The following SUGCT variants were observed in gnomAD, a reference collection of about 807,000 sequenced individuals.
SUGCT encodes the protein succinyl-CoA:glutarate-CoA transferase.
SUGCT carries 41 observed loss-of-function variants against 55.0 expected under a neutral mutation model. The ratio of observed to expected loss-of-function variants is 0.74; its 90% CI spans 0.58 to 0.97. The LOEUF (loss-of-function observed/expected upper bound fraction) is 0.97. SUGCT is among the 50% of genes least tolerant of loss of function. The probability of loss-of-function intolerance (pLI) is 0.00; values close to 1 mark genes in which losing one functional copy is unlikely to be tolerated. For synonymous variants in SUGCT, 187 were observed against 200.4 expected (o/e 0.93, Z 0.56); for missense variants, 568 against 547.8 (o/e 1.04, Z -0.37).
intron 9 of SUGCT, among the ~76,000 whole-genome samples, chr7:40,371,438 TACTA>T (rs1403253294): frequency 1.3e-5 from 2 of 152,134 alleles, no homozygotes; most frequent in Non-Finnish European, 2.9e-5. Flanking sequence ...GAAAATTGGC[TACTA>T]ACTATCAGGA....
chr7:40,929,706 G>A, the SUGCT span, among the ~76,000 whole-genome samples: 1 of 152,156 alleles, frequency 6.6e-6, no homozygotes, highest in Non-Finnish European at 1.5e-5. Flanking sequence ...TCTCTTGGCT[G>A]CATAAATGTC....
At chr7:40,477,175 A>G (rs757805598) in intron 11 of SUGCT, among the ~76,000 whole-genome samples, 3 of 152,178 alleles carry the variant, frequency 2.0e-5, no homozygotes, top group Non-Finnish European at 2.9e-5. Flanking sequence ...ATTGGATTTT[A>G]TTATCATATT....
intron 7 of SUGCT, among the ~76,000 whole-genome samples, chr7:40,238,670 T>A (rs567488618): frequency 2.6e-5 from 4 of 151,698 alleles, no homozygotes; most frequent in Non-Finnish European, 2.9e-5. Flanking sequence ...AATTAATTAT[T>A]TTCCTTTGCC....
chr7:40,247,550 G>A (rs1789982303), intron 7 of SUGCT, among the ~76,000 whole-genome samples: 1 of 152,136 alleles, frequency 6.6e-6, no homozygotes, highest in Admixed American at 6.6e-5. Flanking sequence ...GAGTCACTGT[G>A]CCTGGCCAGT....
the SUGCT span, among the ~76,000 whole-genome samples, chr7:40,909,591 G>A: frequency 1.3e-5 from 2 of 152,174 alleles, no homozygotes; most frequent in Admixed American, 6.5e-5. Flanking sequence ...CTTAGACATT[G>A]GAGTTCTCCT....
intron 12 of SUGCT, among the ~76,000 whole-genome samples, chr7:40,509,495 G>C (rs566194219): frequency 1.3e-5 from 2 of 152,152 alleles, no homozygotes; most frequent in African/African-American, 4.8e-5. Flanking sequence ...TCCCTCTTTT[G>C]TCACTGCTGC....
the SUGCT span, among the ~76,000 whole-genome samples, chr7:40,898,775 TCTG>T: frequency 2.0e-5 from 3 of 151,744 alleles, no homozygotes; most frequent in Non-Finnish European, 4.4e-5. Context: ...GCCTACCAAT[TCTG>T]GACACAAAAT....
chr7:40,528,477 A>T (rs942469221), intron 12 of SUGCT, among the ~76,000 whole-genome samples: 1 of 152,218 alleles, frequency 6.6e-6, no homozygotes, highest in African/African-American at 2.4e-5. Context: ...TAATTTCTCC[A>T]CACATTAAGA....
intron 9 of SUGCT, among the ~76,000 whole-genome samples, chr7:40,361,491 G>A (rs1798150276): frequency 6.6e-6 from 1 of 151,804 alleles, no homozygotes; most frequent in East Asian, 1.9e-4. Flanking sequence ...GGAGAATGGT[G>A]TGAATGCAGG....
At chr7:40,164,582 T>C (rs1562807466) in intron 1 of SUGCT, among the ~76,000 whole-genome samples, 1 of 152,190 alleles carries the variant, frequency 6.6e-6, no homozygotes. Context: ...TGAATTCCTA[T>C]TTTGTTTTTT....
At chr7:40,533,144 A>G (rs1794183261) in intron 12 of SUGCT, among the ~76,000 whole-genome samples, 1 of 152,230 alleles carries the variant, frequency 6.6e-6, no homozygotes, top group African/African-American at 2.4e-5. Context: ...TGTTAAAAAC[A>G]GAAATGTATA....
intron 12 of SUGCT, among the ~76,000 whole-genome samples, chr7:40,713,375 T>A (rs1426524347): frequency 1.3e-5 from 2 of 152,182 alleles, no homozygotes; most frequent in African/African-American, 4.8e-5. Context: ...CTAAGTCCTG[T>A]AGGTATGATA....
chr7:40,746,390 ACACTTT>A (rs1314443648), intron 12 of SUGCT, among the ~76,000 whole-genome samples: 4 of 152,294 alleles, frequency 2.6e-5, no homozygotes, highest in African/African-American at 9.6e-5. Flanking sequence ...TATGGACTTC[ACACTTT>A]ATATGAAAAG....
At chr7:40,468,002 A>G (rs1790214229) in intron 11 of SUGCT, among the ~76,000 whole-genome samples, 1 of 150,522 alleles carries the variant, frequency 6.6e-6, no homozygotes, top group Non-Finnish European at 1.5e-5. Context: ...GAGTACCTTA[A>G]TAGCCCCTAT....
intron 9 of SUGCT, among the ~76,000 whole-genome samples, chr7:40,340,468 T>C (rs1421819219): frequency 6.6e-6 from 1 of 152,154 alleles, no homozygotes; most frequent in Non-Finnish European, 1.5e-5. Flanking sequence ...GAAAGTAATA[T>C]TTTTAAAAGT....
At chr7:40,900,224 G>A in the SUGCT span, among the ~76,000 whole-genome samples, 41 of 152,160 alleles carry the variant, frequency 2.7e-4, no homozygotes, top group African/African-American at 9.2e-4. Context: ...CAGAGCAAAC[G>A]CCGTGGTCTT....
chr7:40,274,351 A>T (rs1330684379), intron 7 of SUGCT, among the ~76,000 whole-genome samples, 162 bp from the exon 8 acceptor site: 3 of 152,132 alleles, frequency 2.0e-5, no homozygotes, highest in Non-Finnish European at 4.4e-5. Context: ...TTACCAACAG[A>T]TATTCACAAT....
chr7:40,297,728 T>C (rs1794255052), intron 8 of SUGCT, among the ~76,000 whole-genome samples: 2 of 152,190 alleles, frequency 1.3e-5, no homozygotes, highest in Admixed American at 1.3e-4. Flanking sequence ...TTTTGGGTCT[T>C]GTTTTGTTTT....
intron 13 of SUGCT, among the ~76,000 whole-genome samples, chr7:40,830,266 C>G (rs1337155693): frequency 6.6e-6 from 1 of 152,158 alleles, no homozygotes; most frequent in Non-Finnish European, 1.5e-5. Context: ...CTCCTTCACT[C>G]AAGACCTTCC....
Sources: gnomAD v4.1 joint callset for allele counts (sites outside exome capture counted in the v4.1 genomes callset) on GRCh38, gnomAD v4.1.1 for gene constraint, MANE v1.5 for transcripts, NCBI Gene and HGNC (gene_info 2026-07-23, HGNC 2026-07-21) for gene names.